Variants in PARVG observed in about 807,000 individuals in gnomAD.
The protein encoded by PARVG is gamma-parvin.
In PARVG, 36 loss-of-function variants were observed where a neutral mutation model predicts 44.4. The ratio of observed to expected loss-of-function variants is 0.81; its 90% CI spans 0.62 to 1.07. The LOEUF (loss-of-function observed/expected upper bound fraction) is 1.07. Ranked by LOEUF, PARVG falls within the 50% of genes least tolerant of loss-of-function variation. The pLI, the probability that PARVG is intolerant of heterozygous loss-of-function variation, is 0.00. For synonymous variants in PARVG, 170 were observed against 174.1 expected, an observed-to-expected ratio of 0.98 and a Z score of 0.19; for missense variants, 407 against 407.4, an observed-to-expected ratio of 1.00 and a Z score of 0.01.
chr22:44,202,430 C>T (rs1382828280), intron 12 of PARVG, among the ~76,000 whole-genome samples: 1 of 152,228 alleles, frequency 6.6e-6, no homozygotes, highest in African/African-American at 2.4e-5. Flanking sequence ...TGCAGGGCCT[C>T]TGCTCAATCT....
At chr22:44,205,942 T>C in intron 13 of PARVG, 113 bp downstream of exon 13, 1 of 1,266,884 alleles carries the variant, frequency 7.9e-7, no homozygotes, top group Non-Finnish European at 1.1e-6. Context: ...GGCAGAGTCC[T>C]CTTGCCTGGC....
chr22:44,179,138 A>G (rs200681421), upstream of PARVG, among the ~76,000 whole-genome samples: 332 of 146,440 alleles, frequency 2.3e-3, 1 homozygote, highest in African/African-American at 7.9e-3. This position sits in a 1 kb window ranked among gnomAD's most constrained non-coding sequence, Gnocchi z 4.2. Context: ...AAAAAAAAAA[A>G]GGCTGGAATA....
At chr22:44,204,168 C>T (rs2054747813) in intron 12 of PARVG, among the ~76,000 whole-genome samples, 1 of 152,168 alleles carries the variant, frequency 6.6e-6, no homozygotes, top group Non-Finnish European at 1.5e-5. Flanking sequence ...TGGCTGACTA[C>T]AGAGGAGCGG....
intron 12 of PARVG, among the ~76,000 whole-genome samples, chr22:44,203,021 A>G (rs2054730235): frequency 6.6e-6 from 1 of 152,202 alleles, no homozygotes; most frequent in Non-Finnish European, 1.5e-5. Context: ...CACACGCGGA[A>G]GAAAAATCTC....
intron 1 of PARVG, among the ~76,000 whole-genome samples, chr22:44,174,999 G>C (rs2054305759): frequency 6.6e-6 from 1 of 152,178 alleles, no homozygotes; most frequent in South Asian, 2.1e-4. Flanking sequence ...CCAGGCACCT[G>C]TAATCCCAGC....
At chr22:44,204,743 T>C (rs1423343289) in intron 12 of PARVG, among the ~76,000 whole-genome samples, 1 of 152,246 alleles carries the variant, frequency 6.6e-6, no homozygotes, top group Middle Eastern at 3.2e-3. Context: ...CGGGCTGGGA[T>C]GTCCACCCCG....
chr22:44,201,547 C>A (rs976459296), intron 12 of PARVG, among the ~76,000 whole-genome samples: 1 of 152,204 alleles, frequency 6.6e-6, no homozygotes, highest in African/African-American at 2.4e-5. Flanking sequence ...GAGGCCGGGG[C>A]AGTCAGTGTC....
intron 11 of PARVG, among the ~76,000 whole-genome samples, chr22:44,197,901 A>G (rs920542746): frequency 6.6e-6 from 1 of 152,188 alleles, no homozygotes; most frequent in Non-Finnish European, 1.5e-5. Context: ...TTCTATCTGT[A>G]TCTCTCCCTT....
At position 44,206,866 on chromosome 22, in the gene PARVG, C is replaced by T. The variant is rs2147244154; in HGVS notation, c.*440C>T. On this transcript the variant is annotated 3_prime_UTR_variant, in exon 14 of 14. Transcript: ENST00000444313. ...CAGCCCAGCTCCCCACACCCACCTGCTTCTCACTCGGGAGGATGGGCCCCA... is the reference window on the plus strand; with the variant it reads ...CAGCCCAGCTCCCCACACCCACCTGTTTCTCACTCGGGAGGATGGGCCCCA... 1 of 189,358 alleles carries T rather than the reference C, an allele frequency of 5.3e-6. No homozygotes were observed. The highest frequency in any genetic ancestry group is 1.1e-5 in the Non-Finnish European group (1 of 92,870). The allele number at this position is 189,358 out of a possible 1,614,324, so 11.7% of individuals were successfully genotyped here.
chr22:44,182,609 T>C lies in PARVG; in HGVS notation c.-13+692T>C, dbSNP rs2054399225. On this transcript the variant is annotated intron_variant, in intron 2 of 13. Coordinates refer to ENST00000444313, the MANE Select transcript of PARVG (RefSeq NM_022141.7). This position sits in a 1 kb window ranked among gnomAD's most constrained non-coding sequence, Gnocchi z 4.6. Reference sequence around the variant, plus strand: ...CCCCTACCTCAATGTCTGATTGAGTTTGAAAACACTGAGAAGACCCAGGGG... The same window carrying C: ...CCCCTACCTCAATGTCTGATTGAGTCTGAAAACACTGAGAAGACCCAGGGG... 6.6e-6 allele frequency among the ~76,000 whole-genome samples: 1 copy of C among 152,090 alleles called. No individual in the cohort carries two copies. Among genetic ancestry groups the C allele is most frequent in the Non-Finnish European group, 1.5e-5 (1 of 68,012 alleles).
intron 9 of PARVG, among the ~76,000 whole-genome samples, chr22:44,194,097 G>A (rs1047361954): frequency 6.6e-6 from 1 of 152,240 alleles, no homozygotes; most frequent in East Asian, 1.9e-4. Flanking sequence ...GGGCTCTGGA[G>A]TCAGTGGCCT....
At chr22:44,197,602 T>C (rs971368909) in intron 11 of PARVG, among the ~76,000 whole-genome samples, 1 of 152,186 alleles carries the variant, frequency 6.6e-6, no homozygotes, top group African/African-American at 2.4e-5. Context: ...CACATTTCCC[T>C]CCTGCCTCCA....
At chr22:44,203,856 G>A (rs73163853) in intron 12 of PARVG, among the ~76,000 whole-genome samples, 1 of 152,136 alleles carries the variant, frequency 6.6e-6, no homozygotes, top group African/African-American at 2.4e-5. Context: ...CATTGGTGCC[G>A]TGTGATAGCC....
At chr22:44,191,933 A>G in intron 7 of PARVG, 116 bp from the exon 8 acceptor site, 1 of 1,189,344 alleles carries the variant, frequency 8.4e-7, no homozygotes, top group Middle Eastern at 2.1e-4. Flanking sequence ...AAGAAAGACA[A>G]TTAAGCCAGA....
In PARVG at chr22:44,192,126, A is replaced by G; in HGVS notation, c.560+22A>G. The G allele has an allele frequency of 3.5e-6, 5 of 1,417,530 alleles. No individual in the cohort carries two copies. The South Asian group carries it at 4.5e-5, about 13-fold the overall frequency. 87.8% of individuals were successfully genotyped at this position (1,417,530 alleles called of 1,614,324 possible). A position where few individuals can be genotyped will look rare whatever the true frequency, so the allele number is the denominator to read the frequency against. On this transcript the variant is annotated intron_variant, in intron 8 of 13. Transcript: ENST00000444313. ...ACAGGTGAGGGAAGGATGAGGGCCC[A>G]TGGGTGGGGCTGGGGCTCACAGCGG...
At chr22:44,193,296 A>G (rs548542795) in intron 8 of PARVG, among the ~76,000 whole-genome samples, 98 of 152,380 alleles carry the variant, frequency 6.4e-4, no homozygotes, top group African/African-American at 2.1e-3. Flanking sequence ...AAAAGAGGAC[A>G]CGCAGTATGG....
intron 8 of PARVG, 105 bp downstream of exon 8, chr22:44,192,209 C>G (rs2054557871): frequency 7.5e-6 from 10 of 1,326,588 alleles, no homozygotes; most frequent in Non-Finnish European, 8.4e-6. Flanking sequence ...GGGAAGGGCC[C>G]TCACATTCTG....
At chr22:44,194,308 C>T (rs1046866238) in intron 9 of PARVG, among the ~76,000 whole-genome samples, 3 of 152,244 alleles carry the variant, frequency 2.0e-5, no homozygotes, top group African/African-American at 7.2e-5. Flanking sequence ...GGCTTCTGCT[C>T]TTCTGACAGA....
intron 11 of PARVG, 81 bp downstream of exon 11, chr22:44,196,496 A>G: frequency 1.3e-6 from 2 of 1,529,740 alleles, no homozygotes; most frequent in Non-Finnish European, 1.8e-6. Flanking sequence ...AGGCCCTGGG[A>G]ACCTGCTGTG....
Sources: gnomAD v4.1 joint callset for allele counts (sites outside exome capture counted in the v4.1 genomes callset) on GRCh38, gnomAD v4.1.1 for gene constraint, Gnocchi (gnomAD v3.1) non-coding constraint, MANE v1.5 for transcripts, NCBI Gene and HGNC (gene_info 2026-07-23, HGNC 2026-07-21) for gene names.